DCAF8L2: variants seen among roughly 807,000 people sequenced by gnomAD.
DCAF8L2 encodes DDB1- and CUL4-associated factor 8-like protein 2.
For missense variants in DCAF8L2, 430 were observed against 490.7 expected (o/e 0.88, Z 1.17); for synonymous variants, 200 against 190.9 (o/e 1.05, Z -0.39).
At chrX:27,571,133 A>G in the DCAF8L2 span, among the ~76,000 whole-genome samples, 1 of 111,962 alleles carries the variant, frequency 8.9e-6, no homozygotes, top group Non-Finnish European at 1.9e-5. Context: ...ACATCTATTA[A>G]TCTTGGATAG....
chrX:27,565,523 G>A, the DCAF8L2 span, among the ~76,000 whole-genome samples: 4 of 111,803 alleles, frequency 3.6e-5, no homozygotes, highest in Non-Finnish European at 7.5e-5. Context: ...TTCTTGTAGT[G>A]TCTTTGCCTG....
the DCAF8L2 span, among the ~76,000 whole-genome samples, chrX:27,482,471 T>G: frequency 1.8e-5 from 2 of 111,434 alleles, no homozygotes; most frequent in African/African-American, 6.5e-5. Context: ...TCCTTATTCT[T>G]CCTTCAAAAC....
At chrX:27,487,669 T>C in the DCAF8L2 span, among the ~76,000 whole-genome samples, 1 of 112,481 alleles carries the variant, frequency 8.9e-6, no homozygotes, top group African/African-American at 3.2e-5. Context: ...AGATTCACTG[T>C]TTTTAAGTGT....
intron 2 of DCAF8L2, among the ~76,000 whole-genome samples, chrX:27,669,656 A>C (rs1929875679): frequency 9.6e-6 from 1 of 103,790 alleles, no homozygotes; most frequent in Non-Finnish European, 2.0e-5. Flanking sequence ...CTGGTGTGTG[A>C]TGTTCCCCTT....
At chrX:27,576,480 C>T in the DCAF8L2 span, among the ~76,000 whole-genome samples, 1 of 111,985 alleles carries the variant, frequency 8.9e-6, no homozygotes, top group Admixed American at 9.5e-5. Flanking sequence ...AAGTGCTATG[C>T]AGTATTAATA....
the DCAF8L2 span, among the ~76,000 whole-genome samples, chrX:27,544,277 A>C: frequency 9.0e-6 from 1 of 111,481 alleles, no homozygotes; most frequent in Admixed American, 9.6e-5. Context: ...TAGAAAAGCA[A>C]CTATCTGGCC....
chrX:27,620,046 CT>C (rs1331614049), intron 1 of DCAF8L2, among the ~76,000 whole-genome samples: 2 of 111,229 alleles, frequency 1.8e-5, no homozygotes, highest in Non-Finnish European at 1.9e-5. Context: ...AATTATTAAA[CT>C]TATTAAAAGA....
At chrX:27,474,392 G>T in the DCAF8L2 span, among the ~76,000 whole-genome samples, 1 of 111,321 alleles carries the variant, frequency 9.0e-6, no homozygotes, top group African/African-American at 3.3e-5. Flanking sequence ...CCACATTTCT[G>T]TCCTTATCTG....
At chrX:27,532,902 C>A in the DCAF8L2 span, among the ~76,000 whole-genome samples, 10 of 104,800 alleles carry the variant, frequency 9.5e-5, no homozygotes, top group African/African-American at 3.4e-4. Context: ...ATGGCAAAAC[C>A]CCATCTCTAC....
At chrX:27,742,200 C>T (rs778961937) in intron 4 of DCAF8L2, among the ~76,000 whole-genome samples, 224 of 111,376 alleles carry the variant, frequency 2.0e-3, no homozygotes, top group African/African-American at 7.1e-3. Flanking sequence ...TTTAGGCACA[C>T]ATTGTGAAGC....
chrX:27,581,780 C>T, the DCAF8L2 span, among the ~76,000 whole-genome samples: 5 of 111,087 alleles, frequency 4.5e-5, no homozygotes, highest in Admixed American at 9.6e-5. Flanking sequence ...GATGGGGTTT[C>T]GCCATGTTGG....
chrX:27,723,856 A>C (rs1602781475), intron 4 of DCAF8L2, among the ~76,000 whole-genome samples: 1 of 111,238 alleles, frequency 9.0e-6, no homozygotes, highest in Admixed American at 9.6e-5. Flanking sequence ...AGCTATATCT[A>C]CATAATAGAA....
the DCAF8L2 span, among the ~76,000 whole-genome samples, chrX:27,529,865 C>T: frequency 8.9e-6 from 1 of 111,793 alleles, no homozygotes; most frequent in Non-Finnish European, 1.9e-5. Context: ...AAGAGAATAA[C>T]ATTGTAGTCT....
chrX:27,660,583 A>AT (rs1466733645), intron 2 of DCAF8L2, among the ~76,000 whole-genome samples: 5 of 110,595 alleles, frequency 4.5e-5, no homozygotes, highest in African/African-American at 1.7e-4. Flanking sequence ...CTGTGGAGTG[A>AT]TTTTTCTGGG....
chrX:27,569,286 T>G, the DCAF8L2 span, among the ~76,000 whole-genome samples: 2 of 111,719 alleles, frequency 1.8e-5, no homozygotes, highest in East Asian at 5.6e-4. Context: ...TCAGGCTTGT[T>G]TCTGTTGCCT....
the DCAF8L2 span, among the ~76,000 whole-genome samples, chrX:27,540,132 C>G: frequency 9.0e-6 from 1 of 111,526 alleles, no homozygotes; most frequent in Non-Finnish European, 1.9e-5. Context: ...TTGTCTGTTA[C>G]AACTCTCAAT....
chrX:27,680,371 C>T (rs943875287), intron 3 of DCAF8L2, among the ~76,000 whole-genome samples: 2 of 112,019 alleles, frequency 1.8e-5, no homozygotes, highest in Non-Finnish European at 3.8e-5. Context: ...GGCAGTCACG[C>T]AGGATCACAA....
Position 27,646,730 on chromosome X carries a change from C to T in DCAF8L2, c.-220+14730C>T, listed in dbSNP as rs1928953652. On this transcript the variant is annotated intron_variant, in intron 2 of 4. Transcript: ENST00000451261. ...TTTACAAGAAAAAAACCAACAACCG[C>T]ATTAAAAAGTGGGAAAAGAATATGA... is the stretch of plus-strand genomic sequence containing the variant. 3.6e-5 allele frequency among the ~76,000 whole-genome samples: 4 copies of T among 110,420 alleles called. No homozygotes were observed. In the Admixed American group the frequency reaches 3.9e-4, roughly 11 times the overall value.
the DCAF8L2 span, among the ~76,000 whole-genome samples, chrX:27,534,151 C>T: frequency 3.4e-4 from 37 of 107,509 alleles, no homozygotes; most frequent in Non-Finnish European, 1.3e-4. Flanking sequence ...GTGGAGGTTG[C>T]AGTGAGCCGT....
Sources: allele counts gnomAD v4.1 joint callset (sites outside exome capture counted in the v4.1 genomes callset), GRCh38; gene constraint gnomAD v4.1.1; transcripts MANE v1.5; gene names NCBI Gene and HGNC (gene_info 2026-07-23, HGNC 2026-07-21).